The following TMEM132B variants were observed in gnomAD, a reference collection of about 807,000 sequenced individuals.
TMEM132B encodes transmembrane protein 132B.
Under a neutral mutation model 90.8 loss-of-function variants are expected in TMEM132B, and 18 were observed. The ratio of observed to expected loss-of-function variants is 0.20; its 90% CI spans 0.14 to 0.29. The LOEUF is 0.29. Ranked by LOEUF, TMEM132B falls within the 10% of genes least tolerant of loss-of-function variation. The pLI, the probability that TMEM132B is intolerant of heterozygous loss-of-function variation, is 1.00. For synonymous variants in TMEM132B, 504 were observed against 523.3 expected (o/e 0.96, Z 0.50); for missense variants, 1,096 against 1,326.8 (o/e 0.83, Z 2.70).
At chr12:125,392,005 C>T in intron 2 of TMEM132B, among the ~76,000 whole-genome samples, 1 of 152,192 alleles carries the variant, frequency 6.6e-6, no homozygotes, top group East Asian at 1.9e-4. Flanking sequence ...GAGCTCAAGG[C>T]ATCTGCCTGT....
intron 3 of TMEM132B, among the ~76,000 whole-genome samples, chr12:125,495,735 C>A (rs1159332029): frequency 6.6e-6 from 1 of 152,164 alleles, no homozygotes; most frequent in Non-Finnish European, 1.5e-5. Context: ...GCCTGCTCAT[C>A]CCTTCATGGC....
At chr12:125,610,051 A>G (rs547134293) in intron 5 of TMEM132B, among the ~76,000 whole-genome samples, 4 of 151,774 alleles carry the variant, frequency 2.6e-5, no homozygotes, top group East Asian at 1.9e-4. Flanking sequence ...TTGCTATTCT[A>G]TAGAAATACT....
chr12:125,359,504 T>C (rs1877894030), intron 2 of TMEM132B, among the ~76,000 whole-genome samples: 1 of 151,958 alleles, frequency 6.6e-6, no homozygotes, highest in African/African-American at 2.4e-5. Flanking sequence ...ATGATCCAAA[T>C]AGTATTTTCT....
At chr12:125,455,797 G>T (rs1881278582) in intron 3 of TMEM132B, among the ~76,000 whole-genome samples, 1 of 152,084 alleles carries the variant, frequency 6.6e-6, no homozygotes, top group Non-Finnish European at 1.5e-5. Flanking sequence ...CCAGGGAGTT[G>T]TAAGTGGAAG....
At chr12:125,256,676 G>C (rs568092278) in intron 1 of TMEM132B, among the ~76,000 whole-genome samples, 5 of 152,306 alleles carry the variant, frequency 3.3e-5, no homozygotes, top group African/African-American at 1.2e-4. Context: ...GTTTGTATTA[G>C]GTTGGTGCAA....
chr12:125,254,731 T>G (rs1874396727), intron 1 of TMEM132B, among the ~76,000 whole-genome samples: 1 of 149,924 alleles, frequency 6.7e-6, no homozygotes, highest in Non-Finnish European at 1.5e-5. Flanking sequence ...TCACCCAGGT[T>G]GGAGTGCGGT....
intron 1 of TMEM132B, among the ~76,000 whole-genome samples, chr12:125,342,194 A>C (rs1473129127): frequency 6.6e-6 from 1 of 152,092 alleles, no homozygotes; most frequent in African/African-American, 2.4e-5. Context: ...ATCTTCATGT[A>C]TCCTTCTGGA....
chr12:125,557,065 C>T (rs150098207), intron 4 of TMEM132B, among the ~76,000 whole-genome samples: 82 of 152,270 alleles, frequency 5.4e-4, no homozygotes, highest in Middle Eastern at 3.4e-3. Context: ...GTTCTTAGAA[C>T]GGTGCCTGGC....
Position 125,350,012 on chromosome 12 carries a change from G to A in TMEM132B, c.628G>A (p.Glu210Lys). 4.3e-6 allele frequency: 7 copies of A among 1,614,212 alleles called. No homozygotes were observed. Among genetic ancestry groups the A allele is most frequent in the Non-Finnish European group, 5.9e-6 (7 of 1,180,038 alleles). The change falls in exon 2 of 9, where the codon GAG becomes AAG. Residue 210 changes from glutamate to lysine, a missense_variant. Transcript: ENST00000682704. ...AGGCCTGGACCTGGAACCAGAGGAG[G>A]AGATCCCAGCCCTGCTCGGGGGCAC... Reference protein sequence around the residue: ...SSGLDLEPEEEIPALLGGTTM... With the variant: ...SSGLDLEPEEKIPALLGGTTM...
At chr12:125,542,817 G>C (rs760345269) in intron 4 of TMEM132B, among the ~76,000 whole-genome samples, 1 of 152,138 alleles carries the variant, frequency 6.6e-6, no homozygotes, top group South Asian at 2.1e-4. Context: ...ATATCTCTTC[G>C]AAGCCTTGCT....
At chr12:125,582,143 A>C (rs186773048) in intron 4 of TMEM132B, among the ~76,000 whole-genome samples, 122 of 152,270 alleles carry the variant, frequency 8.0e-4, no homozygotes, top group Non-Finnish European at 1.5e-3. Flanking sequence ...ACAAAAAATA[A>C]ATCATCTATA....
At chr12:125,455,746 A>G (rs201503206) in intron 3 of TMEM132B, among the ~76,000 whole-genome samples, 1 of 151,764 alleles carries the variant, frequency 6.6e-6, no homozygotes, top group African/African-American at 2.4e-5. Context: ...TCACGGCTCC[A>G]GCCCCCTTGT....
intron 2 of TMEM132B, among the ~76,000 whole-genome samples, chr12:125,367,304 G>A (rs1455983082): frequency 6.6e-6 from 1 of 152,140 alleles, no homozygotes; most frequent in Non-Finnish European, 1.5e-5. Flanking sequence ...TGATTTTCCA[G>A]TAAGTGTTGT....
chr12:125,399,578 G>T (rs142554279), intron 2 of TMEM132B, among the ~76,000 whole-genome samples: 1 of 151,246 alleles, frequency 6.6e-6, no homozygotes, highest in African/African-American at 2.4e-5. Flanking sequence ...ACTCTAGAAG[G>T]AACCCACCCT....
chr12:125,235,630 C>T (rs1355865833), intron 1 of TMEM132B, among the ~76,000 whole-genome samples: 4 of 152,126 alleles, frequency 2.6e-5, no homozygotes, highest in Non-Finnish European at 5.9e-5. Context: ...TAATCCTCTG[C>T]CCCAGCCCCA....
intron 4 of TMEM132B, among the ~76,000 whole-genome samples, chr12:125,568,237 T>G (rs1207188532): frequency 6.6e-6 from 1 of 152,196 alleles, no homozygotes; most frequent in African/African-American, 2.4e-5. Context: ...CTCTTCCCTT[T>G]TCTTTTTTTA....
At chr12:125,423,915 A>AT (rs1377846951) in intron 3 of TMEM132B, among the ~76,000 whole-genome samples, 3 of 152,358 alleles carry the variant, frequency 2.0e-5, no homozygotes, top group South Asian at 4.1e-4. Flanking sequence ...TATAATGATT[A>AT]TTATCAAGCC....
intron 5 of TMEM132B, among the ~76,000 whole-genome samples, chr12:125,595,434 A>C (rs1394030613): frequency 2.6e-5 from 4 of 152,202 alleles, no homozygotes; most frequent in African/African-American, 9.6e-5. Flanking sequence ...TTGCTTTTCA[A>C]AATGAACCTC....
At chr12:125,318,313 TC>T (rs1876340701) in intron 1 of TMEM132B, among the ~76,000 whole-genome samples, 2 of 151,002 alleles carry the variant, frequency 1.3e-5, no homozygotes, top group Non-Finnish European at 3.0e-5. Context: ...CCTGTTTCTT[TC>T]TTTCTTTTTT....
Sources: allele counts gnomAD v4.1 joint callset (sites outside exome capture counted in the v4.1 genomes callset), GRCh38; gene constraint gnomAD v4.1.1; transcripts MANE v1.5; gene names NCBI Gene and HGNC (gene_info 2026-07-23, HGNC 2026-07-21).